MGAT4A: variants seen among roughly 807,000 people sequenced by gnomAD.
MGAT4A encodes alpha-1,3-mannosyl-glycoprotein 4-beta-N-acetylglucosaminyltransferase A.
Under a neutral mutation model 74.1 loss-of-function variants are expected in MGAT4A, and 33 were observed. The ratio of observed to expected loss-of-function variants is 0.45; its 90% CI spans 0.34 to 0.60. The LOEUF (loss-of-function observed/expected upper bound fraction) is 0.60, where lower values mean the gene tolerates loss of function less well. Ranked by LOEUF, MGAT4A falls within the 20% of genes least tolerant of loss-of-function variation. MGAT4A has a pLI of 0.02. For missense variants in MGAT4A, 479 were observed against 628.3 expected, an observed-to-expected ratio of 0.76 and a Z score of 2.54; for synonymous variants, 198 against 210.4, an observed-to-expected ratio of 0.94 and a Z score of 0.51.
intron 2 of MGAT4A, among the ~76,000 whole-genome samples, chr2:98,702,495 T>C (rs955514719): frequency 6.6e-6 from 1 of 152,198 alleles, no homozygotes; most frequent in Admixed American, 6.5e-5. Flanking sequence ...GCTCTGAGCA[T>C]GCACAGCAGA....
At chr2:98,696,561 G>T (rs1361434352) in intron 2 of MGAT4A, among the ~76,000 whole-genome samples, 1 of 152,170 alleles carries the variant, frequency 6.6e-6, no homozygotes, top group Non-Finnish European at 1.5e-5. Flanking sequence ...AAATTAAAGC[G>T]CATGTCATCT....
chr2:98,621,625 T>TG lies in MGAT4A; in HGVS notation c.*3940_*3941insC. The stretch of plus-strand genomic sequence containing the variant: ...CCATGCTCAAAGTGGGAGGATATTA[T>TG]ACAAGGTCATTGGTGGGGGTGTCAG... On this transcript the variant is annotated 3_prime_UTR_variant, in exon 16 of 16. Transcript: ENST00000393487. 1 of 1,488,050 alleles carries TG rather than the reference T, an allele frequency of 6.7e-7. No individual in the cohort carries two copies. The highest frequency in any genetic ancestry group is 9.0e-7 in the Non-Finnish European group (1 of 1,115,950). 92.2% of individuals were successfully genotyped at this position (1,488,050 alleles called of 1,614,324 possible).
Position 98,621,823 on chromosome 2 carries a change from TTG to T in MGAT4A, c.*3741_*3742del. 1 of 1,049,374 alleles carries T rather than the reference TTG, an allele frequency of 9.5e-7. No individual in the cohort carries two copies. The allele number at this position is 1,049,374 out of a possible 1,614,324, so 65.0% of individuals were successfully genotyped here. A position where few individuals can be genotyped will look rare whatever the true frequency, so the allele number is the denominator to read the frequency against. On this transcript the variant is annotated 3_prime_UTR_variant, in exon 16 of 16. Transcript: ENST00000393487. ...AGATTTTTTAAAGGCCTTCATAATT[TTG>T]CTTATAGTTTTAAAAATAACAACAC...
chr2:98,716,329 A>G lies in MGAT4A; in HGVS notation c.94+9910T>C, dbSNP rs570559153. On this transcript the variant is annotated intron_variant, in intron 2 of 15. Coordinates refer to ENST00000393487, the MANE Select transcript of MGAT4A (RefSeq NM_012214.3). ...ACAGAGTGAGACCCAGTTTCAAAAA[A>G]CAAGGTAGCTGGGCGTGGTGGCTCA... Among the ~76,000 whole-genome samples, 8 of 152,148 alleles carry G rather than the reference A, an allele frequency of 5.3e-5. No individual in the cohort carries two copies. In the East Asian group the frequency reaches 1.4e-3, roughly 26 times the overall value.
intron 8 of MGAT4A, among the ~76,000 whole-genome samples, chr2:98,649,663 T>G (rs192269157): frequency 5.3e-4 from 80 of 152,200 alleles, no homozygotes; most frequent in Non-Finnish European, 1.1e-3. Context: ...GCCACAGTGC[T>G]GCAGAGCTCC....
chr2:98,632,355 T>A (rs952364517), intron 14 of MGAT4A, among the ~76,000 whole-genome samples: 1 of 152,108 alleles, frequency 6.6e-6, no homozygotes, highest in Admixed American at 6.5e-5. Flanking sequence ...CACACCCCCA[T>A]CACACGCCCT....
chr2:98,695,666 G>C (rs1702261816), intron 2 of MGAT4A, among the ~76,000 whole-genome samples: 1 of 152,110 alleles, frequency 6.6e-6, no homozygotes, highest in Non-Finnish European at 1.5e-5. Context: ...ATTTGTGTTT[G>C]TCTTGGCCTT....
intron 14 of MGAT4A, among the ~76,000 whole-genome samples, chr2:98,630,830 T>G (rs1479344208): frequency 6.6e-6 from 1 of 152,232 alleles, no homozygotes; most frequent in Non-Finnish European, 1.5e-5. Flanking sequence ...AAGACTACCC[T>G]TTTAAATTTG....
At chr2:98,706,345 CGCA>C (rs1702432363) in intron 2 of MGAT4A, among the ~76,000 whole-genome samples, 1 of 151,942 alleles carries the variant, frequency 6.6e-6, no homozygotes. Context: ...TGTGTCCCTC[CGCA>C]GAAGTATCAA....
chr2:98,644,703 A>G (rs1701460261), intron 9 of MGAT4A, among the ~76,000 whole-genome samples: 3 of 151,412 alleles, frequency 2.0e-5, no homozygotes, highest in Non-Finnish European at 2.9e-5. Context: ...GCGCGATCTC[A>G]GCTCACTACA....
intron 2 of MGAT4A, among the ~76,000 whole-genome samples, chr2:98,696,804 T>C (rs1702280697): frequency 6.6e-6 from 1 of 152,236 alleles, no homozygotes; most frequent in African/African-American, 2.4e-5. Context: ...AATCTCATTT[T>C]ATAAACCATT....
intron 14 of MGAT4A, among the ~76,000 whole-genome samples, chr2:98,627,363 A>T (rs1701160436): frequency 6.6e-6 from 1 of 152,120 alleles, no homozygotes; most frequent in Non-Finnish European, 1.5e-5. Context: ...TTAAGTCTGC[A>T]GCAAAAACTA....
intron 13 of MGAT4A, 125 bp downstream of exon 13, chr2:98,636,391 AT>A: frequency 2.9e-6 from 2 of 687,400 alleles, no homozygotes; most frequent in South Asian, 3.9e-5. Flanking sequence ...AAAAAAATTA[AT>A]ATTATTCACC....
At chr2:98,718,340 C>T (rs376063682) in intron 2 of MGAT4A, among the ~76,000 whole-genome samples, 2 of 152,160 alleles carry the variant, frequency 1.3e-5, no homozygotes, top group African/African-American at 2.4e-5. Flanking sequence ...CCACTTCCAA[C>T]GCAACAGCAT....
At chr2:98,724,204 A>G (rs1374558765) in intron 2 of MGAT4A, among the ~76,000 whole-genome samples, 1 of 152,164 alleles carries the variant, frequency 6.6e-6, no homozygotes, top group Non-Finnish European at 1.5e-5. Context: ...GAATGAATGA[A>G]AAAACAACAA....
At chr2:98,700,660 G>A (rs1278321906) in intron 2 of MGAT4A, among the ~76,000 whole-genome samples, 1 of 152,064 alleles carries the variant, frequency 6.6e-6, no homozygotes, top group Non-Finnish European at 1.5e-5. Context: ...GAAGGCCAAG[G>A]GAGGTGGATT....
At chr2:98,642,396 G>A (rs1294264093) in intron 10 of MGAT4A, among the ~76,000 whole-genome samples, 1 of 152,220 alleles carries the variant, frequency 6.6e-6, no homozygotes, top group Non-Finnish European at 1.5e-5. Context: ...TGTGGCGACA[G>A]CACCCTCGAG....
chr2:98,653,131 AAT>A (rs754705311), intron 8 of MGAT4A, among the ~76,000 whole-genome samples: 39 of 149,546 alleles, frequency 2.6e-4, no homozygotes, highest in Admixed American at 5.3e-4. Context: ...CAAAAAAAAA[AAT>A]ATACCAAAAT....
rs1242233835 is a variant in MGAT4A at position 98,675,081 on chromosome 2, T to G, written c.357A>C (p.Glu119Asp). Residue 119 changes from glutamate to aspartate, a missense_variant, in exon 4 of 16, where the codon GAA becomes GAC. By Grantham distance (45) the Glu-to-Asp change is conservative. Coordinates refer to ENST00000393487, the MANE Select transcript of MGAT4A (RefSeq NM_012214.3). ...YYHLPHLLKN[E>D]GSLQPAVQIG... is the part of the protein sequence containing the mutation. ...TCTGTACAGCAGGTTGAAGACTTCC[T>G]TCATTTTTCAATAAATGAGGCAAAT... The G allele has an allele frequency of 6.2e-7, 1 of 1,611,318 alleles. No homozygotes were observed. The highest frequency in any genetic ancestry group is 2.2e-5 in the East Asian group (1 of 44,862).
Sources: allele counts gnomAD v4.1 joint callset (sites outside exome capture counted in the v4.1 genomes callset), GRCh38; gene constraint gnomAD v4.1.1; transcripts MANE v1.5; gene names NCBI Gene and HGNC (gene_info 2026-07-23, HGNC 2026-07-21).